Variants in UGGT1 observed in about 807,000 individuals in gnomAD.
The protein encoded by UGGT1 is UDP-glucose:glycoprotein glucosyltransferase 1.
Under a neutral mutation model 203.9 loss-of-function variants are expected in UGGT1, and 107 were observed. That is an observed-to-expected ratio of 0.52 (90% CI 0.45 to 0.62). The LOEUF is 0.62. Ranked by LOEUF, UGGT1 falls within the 20% of genes least tolerant of loss-of-function variation. The probability of loss-of-function intolerance (pLI) is 0.00; values close to 1 mark genes in which losing one functional copy is unlikely to be tolerated. For synonymous variants in UGGT1, 628 were observed against 653.5 expected (o/e 0.96, Z 0.59); for missense variants, 1,673 against 1,867.2 (o/e 0.90, Z 1.92).
intron 26 of UGGT1, among the ~76,000 whole-genome samples, chr2:128,165,992 G>T (rs1351395784): frequency 1.3e-5 from 2 of 152,082 alleles, no homozygotes; most frequent in Admixed American, 1.3e-4. Flanking sequence ...AAACTCCTAG[G>T]CTCAAGTTAT....
At chr2:128,106,657 A>T (rs1319818804) in intron 3 of UGGT1, among the ~76,000 whole-genome samples, 1 of 151,974 alleles carries the variant, frequency 6.6e-6, no homozygotes, top group African/African-American at 2.4e-5. Context: ...TGCCTCCCGG[A>T]TTCAAGTGAT....
At chr2:128,116,658 G>A (rs1363997489) in intron 8 of UGGT1, among the ~76,000 whole-genome samples, 1 of 152,054 alleles carries the variant, frequency 6.6e-6, no homozygotes, top group African/African-American at 2.4e-5. Context: ...CCAAGTAGCT[G>A]GGATTACAGG....
At position 128,159,573 on chromosome 2, in the gene UGGT1, T is replaced by C. The variant is rs1312843382; in HGVS notation, c.2415T>C (p.Tyr805=). ...ATAATCCTGCCAAAGAGATAAGCTATGAGAACACTCAGATCTCCAGAGCAA... is the reference window on the plus strand; with the variant it reads ...ATAATCCTGCCAAAGAGATAAGCTACGAGAACACTCAGATCTCCAGAGCAA... ...MINNPAKEIS[Y]ENTQISRAIW... Residue 805 remains tyrosine, a synonymous_variant, in exon 23 of 41, where the codon TAT becomes TAC. Transcript: ENST00000259253. 1.9e-6 allele frequency: 3 copies of C among 1,614,106 alleles called. No homozygotes were observed. Among genetic ancestry groups the C allele is most frequent in the African/African-American group, 1.3e-5 (1 of 74,932 alleles).
chr2:128,153,730 AG>A (rs1227372703), intron 19 of UGGT1, among the ~76,000 whole-genome samples: 2 of 152,124 alleles, frequency 1.3e-5, no homozygotes, highest in Non-Finnish European at 2.9e-5. Context: ...TCTGTTCCTC[AG>A]TTGGTGGACA....
intron 25 of UGGT1, among the ~76,000 whole-genome samples, chr2:128,163,632 G>C (rs923778193): frequency 4.7e-4 from 71 of 151,640 alleles, no homozygotes; most frequent in Non-Finnish European, 6.8e-4. Context: ...GGAGAATGGC[G>C]TGAACCCGGG....
intron 17 of UGGT1, among the ~76,000 whole-genome samples, chr2:128,144,854 A>C (rs1342597933): frequency 1.3e-5 from 2 of 152,182 alleles, no homozygotes; most frequent in Non-Finnish European, 2.9e-5. Flanking sequence ...AAATTCTGCT[A>C]TTTTCAGAAA....
intron 2 of UGGT1, 26 bp downstream of exon 2, chr2:128,097,590 G>A (rs760318004): frequency 3.7e-6 from 6 of 1,611,578 alleles, no homozygotes; most frequent in East Asian, 2.2e-5. Flanking sequence ...TTTTCCCTTC[G>A]TGTATTTGAG....
At chr2:128,122,910 T>C (rs1688448445) in intron 10 of UGGT1, among the ~76,000 whole-genome samples, 1 of 152,210 alleles carries the variant, frequency 6.6e-6, no homozygotes, top group African/African-American at 2.4e-5. Flanking sequence ...GTAGAGATCA[T>C]ATATAGAAAT....
At chr2:128,121,079 G>T in intron 9 of UGGT1, 120 bp from the exon 10 acceptor site, 1 of 899,772 alleles carries the variant, frequency 1.1e-6, no homozygotes, top group Non-Finnish European at 1.8e-6. Context: ...CTCTGGAATG[G>T]TTGCATTCGA....
At chr2:128,157,597 A>G (rs939516963) in intron 22 of UGGT1, among the ~76,000 whole-genome samples, 1 of 152,212 alleles carries the variant, frequency 6.6e-6, no homozygotes, top group Non-Finnish European at 1.5e-5. Context: ...TCCTCATCAT[A>G]GACAAGTTTT....
chr2:128,174,901 A>G (rs1271261620), intron 31 of UGGT1, 43 bp downstream of exon 31: 2 of 1,550,630 alleles, frequency 1.3e-6, no homozygotes, highest in Non-Finnish European at 1.8e-6. Flanking sequence ...GAACTTTTAG[A>G]AATGAGCATT....
chr2:128,131,957 T>C (rs1314957572), intron 13 of UGGT1, among the ~76,000 whole-genome samples: 1 of 152,152 alleles, frequency 6.6e-6, no homozygotes, highest in African/African-American at 2.4e-5. Context: ...AAATTAGTAC[T>C]AATATAGTCT....
At chr2:128,144,724 T>C (rs1689597144) in intron 17 of UGGT1, among the ~76,000 whole-genome samples, 1 of 152,254 alleles carries the variant, frequency 6.6e-6, no homozygotes. Context: ...GTTTCTGTGC[T>C]GTTACCTGTT....
chr2:128,160,651 C>T (rs1461429341), intron 24 of UGGT1, 60 bp downstream of exon 24: 6 of 1,546,132 alleles, frequency 3.9e-6, no homozygotes, highest in African/African-American at 2.8e-5. Context: ...GCAGCATTCT[C>T]CTCTGAAGCT....
At chr2:128,102,246 G>A (rs1022345235) in intron 2 of UGGT1, among the ~76,000 whole-genome samples, 2 of 151,804 alleles carry the variant, frequency 1.3e-5, no homozygotes, top group East Asian at 1.9e-4. Flanking sequence ...GGGTTCAAGC[G>A]ATTCTCCTGC....
chr2:128,104,037 T>C, intron 3 of UGGT1, 23 bp downstream of exon 3: 1 of 1,512,010 alleles, frequency 6.6e-7, no homozygotes, highest in Non-Finnish European at 8.8e-7. Context: ...CAAATGCTTC[T>C]TTGACTTTGG....
chr2:128,180,780 T>C (rs1486214662), intron 35 of UGGT1, 110 bp from the exon 36 acceptor site: 9 of 1,154,054 alleles, frequency 7.8e-6, no homozygotes, highest in African/African-American at 4.7e-5. Context: ...GACCACTGTT[T>C]TGGTAAATGT....
rs1687909027 is a variant in UGGT1, at chr2:128,112,462, A to ATATACATATATATATATATG, written c.522-618_522-617insCATATATATATATATGTATA. Reference sequence around the variant, plus strand: ...CCCCAAAAAATACTATGTTATATATATATATATATATTACATACATACATA... The same window carrying ATATACATATATATATATATG: ...CCCCAAAAAATACTATGTTATATATATATACATATATATATATATGTATATATATATTACATACATACATA... On this transcript the variant is annotated intron_variant, in intron 5 of 40. Coordinates refer to ENST00000259253, the MANE Select transcript of UGGT1 (RefSeq NM_020120.4). Among the ~76,000 whole-genome samples, 2 of 120,346 alleles carry ATATACATATATATATATATG rather than the reference A, an allele frequency of 1.7e-5. 1 individual carries two copies. Among genetic ancestry groups the ATATACATATATATATATATG allele is most frequent in the Admixed American group, 1.8e-4 (2 of 10,854 alleles). 79.0% of individuals were successfully genotyped at this position (120,346 alleles called of 152,430 possible). A position where few individuals can be genotyped will look rare whatever the true frequency, so the allele number is the denominator to read the frequency against.
chr2:128,146,115 C>A, intron 18 of UGGT1, 148 bp downstream of exon 18: 1 of 927,904 alleles, frequency 1.1e-6, no homozygotes, highest in Non-Finnish European at 1.6e-6. Flanking sequence ...CTGAGACCAA[C>A]CTGGGCAATA....
Sources: allele counts gnomAD v4.1 joint callset (sites outside exome capture counted in the v4.1 genomes callset), GRCh38; gene constraint gnomAD v4.1.1; transcripts MANE v1.5; gene names NCBI Gene and HGNC (gene_info 2026-07-23, HGNC 2026-07-21).